The following USP33 variants were observed in gnomAD, a reference collection of about 807,000 sequenced individuals.
USP33 encodes the protein ubiquitin specific peptidase 33, also known as ubiquitin carboxyl-terminal hydrolase 33.
In USP33, 46 loss-of-function variants were observed where a neutral mutation model predicts 124.2. The observed-to-expected ratio is 0.37, with a 90% CI of 0.29 to 0.47. The LOEUF (loss-of-function observed/expected upper bound fraction) is 0.47, where lower values mean the gene tolerates loss of function less well. Among genes scored for constraint, USP33 ranks in the 20% least tolerant of loss-of-function variants. USP33 has a pLI of 0.99. For synonymous variants in USP33, 350 were observed against 352.3 expected (o/e 0.99, Z 0.07); for missense variants, 851 against 1,070.6 (o/e 0.79, Z 2.86).
At chr1:77,727,215 C>T (rs1677269369) in intron 10 of USP33, among the ~76,000 whole-genome samples, 1 of 152,172 alleles carries the variant, frequency 6.6e-6, no homozygotes, top group Non-Finnish European at 1.5e-5. Context: ...GTGTGCCTTA[C>T]AGACTTCGCC....
intron 1 of USP33, among the ~76,000 whole-genome samples, chr1:77,749,796 G>C (rs1353495911): frequency 1.3e-5 from 2 of 152,192 alleles, no homozygotes; most frequent in African/African-American, 2.4e-5. Flanking sequence ...ATGAAATGTA[G>C]ATGTTCTTCT....
intron 1 of USP33, among the ~76,000 whole-genome samples, chr1:77,744,873 C>T (rs116334409): frequency 0.025 from 3,789 of 152,188 alleles, 119 homozygotes; most frequent in African/African-American, 0.087. Flanking sequence ...GGAATAAGTG[C>T]GACACGGTGC....
At chr1:77,750,624 AAAAGAAAG>A (rs532432531) in intron 1 of USP33, among the ~76,000 whole-genome samples, 18,555 of 123,142 alleles carry the variant, frequency 0.15, 1,524 homozygotes, top group Non-Finnish European at 0.16. Flanking sequence ...CCTGACTTAA[AAAAGAAAG>A]AAAGAAAGAA....
intron 1 of USP33, chr1:77,746,308 T>C (rs1229030649): frequency 2.6e-5 from 4 of 152,120 alleles, no homozygotes; most frequent in Non-Finnish European, 5.9e-5. Flanking sequence ...CCTGGACACA[T>C]ACACCCTCCC....
At chr1:77,749,942 G>A (rs766109738) in intron 1 of USP33, among the ~76,000 whole-genome samples, 20 of 152,130 alleles carry the variant, frequency 1.3e-4, no homozygotes, top group Admixed American at 5.9e-4. Context: ...TCTCTCTGCT[G>A]ATAGCTGAGA....
intron 1 of USP33, among the ~76,000 whole-genome samples, chr1:77,743,924 A>T (rs1679420905): frequency 6.6e-6 from 1 of 152,094 alleles, no homozygotes; most frequent in South Asian, 2.1e-4. Flanking sequence ...AGGTCAGGAG[A>T]TCGAGAACAT....
At chr1:77,759,099 G>A (rs530717342) in intron 1 of USP33, among the ~76,000 whole-genome samples, 1 of 152,238 alleles carries the variant, frequency 6.6e-6, no homozygotes, top group Non-Finnish European at 1.5e-5. Context: ...CAGATGGACA[G>A]AAGGTAAGGG....
At chr1:77,739,861 A>T (rs560465574) in intron 4 of USP33, among the ~76,000 whole-genome samples, 1 of 152,332 alleles carries the variant, frequency 6.6e-6, no homozygotes, top group East Asian at 1.9e-4. Context: ...TTTCACAACC[A>T]GAGTTCTGCT....
At chr1:77,726,385 G>A (rs1459700073) in intron 10 of USP33, among the ~76,000 whole-genome samples, 1 of 150,812 alleles carries the variant, frequency 6.6e-6, no homozygotes, top group African/African-American at 2.4e-5. Context: ...GGTGGCTAAC[G>A]CCTACAATCC....
chr1:77,744,109 C>T, intron 1 of USP33, among the ~76,000 whole-genome samples: 1 of 138,280 alleles, frequency 7.2e-6, no homozygotes, highest in Non-Finnish European at 1.5e-5. Context: ...GAGGACAGAG[C>T]AAGACTCTGT....
At chr1:77,752,121 G>A (rs1570875829) in intron 1 of USP33, among the ~76,000 whole-genome samples, 1 of 151,250 alleles carries the variant, frequency 6.6e-6, no homozygotes, top group Non-Finnish European at 1.5e-5. Flanking sequence ...AAAGTATAGG[G>A]AACCATGTTA....
intron 11 of USP33, 92 bp from the exon 12 acceptor site, chr1:77,723,535 A>G: frequency 2.5e-6 from 2 of 800,198 alleles, no homozygotes; most frequent in South Asian, 1.8e-5. Context: ...TTACTTGTAT[A>G]TGATCTCTAG....
intron 22 of USP33, among the ~76,000 whole-genome samples, chr1:77,700,808 C>T (rs1673924729): frequency 6.7e-6 from 1 of 149,998 alleles, no homozygotes; most frequent in Admixed American, 6.7e-5. Flanking sequence ...TCAAGCAATT[C>T]TCCTGCCTCA....
At chr1:77,716,165 C>T (rs147307421) in intron 17 of USP33, among the ~76,000 whole-genome samples, 79 of 152,220 alleles carry the variant, frequency 5.2e-4, no homozygotes, top group African/African-American at 1.9e-3. Flanking sequence ...CTCAAGCTAT[C>T]CTCTTGCCTC....
chr1:77,702,169 AAAAAAAAAC>A (rs1409458352), intron 21 of USP33, among the ~76,000 whole-genome samples: 2 of 125,166 alleles, frequency 1.6e-5, no homozygotes, highest in African/African-American at 2.6e-5. Flanking sequence ...AAAAAAAAAA[AAAAAAAAAC>A]CAGTGGTACA....
chr1:77,718,103 A>C (rs781647637), intron 16 of USP33, 56 bp from the exon 17 acceptor site: 1 of 1,438,926 alleles, frequency 6.9e-7, no homozygotes, highest in Admixed American at 2.2e-5. Context: ...AAAAAGCATT[A>C]TAACAGGTAA....
At chr1:77,706,293 G>T (rs1172827252) in intron 21 of USP33, among the ~76,000 whole-genome samples, 4 of 152,152 alleles carry the variant, frequency 2.6e-5, no homozygotes, top group African/African-American at 9.7e-5. Flanking sequence ...ATTCCCTAAT[G>T]ACTGACACTG....
At chr1:77,721,034 A>T in intron 15 of USP33, 138 bp downstream of exon 15, 1 of 858,730 alleles carries the variant, frequency 1.2e-6, no homozygotes, top group South Asian at 1.6e-5. Flanking sequence ...AAAACAGCTA[A>T]TCTCTATTAT....
chr1:77,740,986 C>T, intron 3 of USP33, 47 bp from the exon 4 acceptor site: 2 of 1,273,056 alleles, frequency 1.6e-6, no homozygotes, highest in Non-Finnish European at 2.2e-6. Flanking sequence ...TTATAATATA[C>T]ATGTAAATTT....
Sources: allele counts gnomAD v4.1 joint callset (sites outside exome capture counted in the v4.1 genomes callset), GRCh38; gene constraint gnomAD v4.1.1; transcripts MANE v1.5; gene names NCBI Gene and HGNC (gene_info 2026-07-23, HGNC 2026-07-21).